MYH7B: variants seen among roughly 807,000 people sequenced by gnomAD.
MYH7B encodes myosin heavy chain 7B.
Under a neutral mutation model 234.5 loss-of-function variants are expected in MYH7B, and 205 were observed. The ratio of observed to expected loss-of-function variants is 0.87; its 90% CI spans 0.78 to 0.98. The LOEUF (loss-of-function observed/expected upper bound fraction) is 0.98. Among genes scored for constraint, MYH7B ranks in the 50% least tolerant of loss-of-function variants. The probability of loss-of-function intolerance (pLI) is 0.00; values close to 1 mark genes in which losing one functional copy is unlikely to be tolerated. For missense variants in MYH7B, 2,652 were observed against 2,633.4 expected, an observed-to-expected ratio of 1.01 and a Z score of -0.15; for synonymous variants, 1,193 against 1,105.0, an observed-to-expected ratio of 1.08 and a Z score of -1.58.
intron 2 of MYH7B, among the ~76,000 whole-genome samples, chr20:34,962,838 C>T (rs1370838234): frequency 6.6e-6 from 1 of 152,234 alleles, no homozygotes. Context: ...TGGCTCACGC[C>T]TGTCATCCCA....
At chr20:34,982,672 C>A in intron 10 of MYH7B, 117 bp downstream of exon 10, 1 of 902,776 alleles carries the variant, frequency 1.1e-6, no homozygotes, top group Non-Finnish European at 1.6e-6. Flanking sequence ...GAACCCTGAG[C>A]CCTGCCTGAG....
chr20:35,001,128 G>A, exon 41 of MYH7B: 2 of 1,613,786 alleles, frequency 1.2e-6, no homozygotes, highest in Non-Finnish European at 1.7e-6. Flanking sequence ...TCCGTGGCGG[G>A]AAGAAGCAGG....
chr20:34,984,776 A>C (rs937824744), intron 11 of MYH7B, 61 bp downstream of exon 11: 2 of 1,605,204 alleles, frequency 1.2e-6, no homozygotes, highest in African/African-American at 2.7e-5. Context: ...TCTGCACAAC[A>C]GAGGGGCCAC....
At chr20:34,964,153 A>G (rs1439966898) in intron 2 of MYH7B, among the ~76,000 whole-genome samples, 2 of 151,942 alleles carry the variant, frequency 1.3e-5, no homozygotes, top group African/African-American at 2.4e-5. Context: ...TTCTTTCCCA[A>G]ATGGTTTTGC....
chr20:34,985,990 G>A, intron 13 of MYH7B, 110 bp from the exon 14 acceptor site: 2 of 889,126 alleles, frequency 2.2e-6, no homozygotes, highest in South Asian at 3.0e-5. Context: ...AGGTGCAGAT[G>A]CAGCCCCCCT....
At chr20:34,972,411 T>C (rs567697851) in intron 2 of MYH7B, among the ~76,000 whole-genome samples, 1 of 152,158 alleles carries the variant, frequency 6.6e-6, no homozygotes, top group Admixed American at 6.5e-5. Context: ...ACCTTCAGTA[T>C]CGCCTCTTCA....
At position 34,991,135 on chromosome 20, in the gene MYH7B, TC is replaced by T. The variant is rs2082140258; in HGVS notation, c.2183+19del. 1.9e-6 allele frequency: 3 copies of T among 1,563,608 alleles called. No individual in the cohort carries two copies. Among genetic ancestry groups the T allele is most frequent in the African/African-American group, 1.4e-5 (1 of 73,764 alleles). ...CTTCCGGCAGCGGTGGGTGACCCCT[TC>T]CCCCTGCCTGCTGCTCCAGGTGGAG... On this transcript the variant is annotated intron_variant, in intron 24 of 44. Transcript: ENST00000262873.
At chr20:34,997,391 G>T in exon 32 of MYH7B, 1 of 1,509,730 alleles carries the variant, frequency 6.6e-7, no homozygotes, top group Non-Finnish European at 8.8e-7. Context: ...CATCCGCGGG[G>T]CAGCGCGAGG....
rs969790813 is a variant in MYH7B at position 34,996,535 on chromosome 20, C to T, written c.3120+13C>T. 6.2e-7 allele frequency: 1 copy of T among 1,605,302 alleles called. No individual in the cohort carries two copies. The highest frequency in any genetic ancestry group is 1.7e-5 in the Admixed American group (1 of 58,344). Reference sequence around the variant, plus strand: ...ACAGGTGGAGGACGTGAGTCAGGGCCACCCCGAGACTGGGTGGCGGGGCCG... The same window carrying T: ...ACAGGTGGAGGACGTGAGTCAGGGCTACCCCGAGACTGGGTGGCGGGGCCG... On this transcript the variant is annotated intron_variant, in intron 29 of 44. Coordinates refer to ENST00000262873, the Ensembl canonical transcript of MYH7B.
At chr20:34,997,060 G>GC (rs557197939) in intron 30 of MYH7B, 23 bp from the exon 31 acceptor site, 14 of 1,395,780 alleles carry the variant, frequency 1.0e-5, no homozygotes, top group Non-Finnish European at 1.3e-5. Context: ...GCCTGTGCTG[G>GC]CCACCCACTC....
At chr20:35,000,200 C>A in intron 38 of MYH7B, 93 bp from the exon 39 acceptor site, 1 of 1,434,662 alleles carries the variant, frequency 7.0e-7, no homozygotes, top group Non-Finnish European at 9.3e-7. Context: ...CTCATTTGTT[C>A]TCAAAATGGG....
chr20:34,975,484 G>C (rs974877644), exon 3 of MYH7B: 1 of 713,568 alleles, frequency 1.4e-6, no homozygotes, highest in Admixed American at 2.0e-5. Flanking sequence ...CAAAGTGCTG[G>C]AATTACAGAC....
exon 15 of MYH7B, chr20:34,986,974 G>A: frequency 6.2e-7 from 1 of 1,613,900 alleles, no homozygotes; most frequent in Non-Finnish European, 8.5e-7. Context: ...ATGGGGAGGA[G>A]CTCATCGCCA....
rs1600480573 is a variant in MYH7B at position 35,001,018 on chromosome 20, G to C, written c.5335G>C (p.Glu1779Gln). Residue 1779 changes from glutamate to glutamine, a missense_variant, in exon 41 of 45, where the codon GAG becomes CAG. By Grantham distance (29) the Glu-to-Gln change is conservative (BLOSUM62 2). Transcript: ENST00000262873. ...CATGATGGCCGAGGAGCTGAAGAAG[G>C]AGCAGGACACAAGTGCACACCTGGA... The C allele has an allele frequency of 6.2e-7, 1 of 1,613,816 alleles. No homozygotes were observed. Among genetic ancestry groups the C allele is most frequent in the Non-Finnish European group, 8.5e-7 (1 of 1,180,028 alleles).
At chr20:34,978,241 C>A (rs2081888595) in intron 5 of MYH7B, 145 bp downstream of exon 5, 1 of 912,008 alleles carries the variant, frequency 1.1e-6, no homozygotes, top group Admixed American at 2.6e-5. Flanking sequence ...CCTGCAGAGT[C>A]TGGGGCCTGG....
chr20:34,991,704 G>C (rs560986822), intron 24 of MYH7B, among the ~76,000 whole-genome samples: 36 of 152,284 alleles, frequency 2.4e-4, no homozygotes, highest in African/African-American at 8.2e-4. Flanking sequence ...AGTGCTGCCA[G>C]CTCCTCCCCG....
chr20:35,000,574 T>C, exon 39 of MYH7B: 1 of 1,570,106 alleles, frequency 6.4e-7, no homozygotes, highest in Non-Finnish European at 8.6e-7. Flanking sequence ...GCCTCGCTGC[T>C]GGCTGCGGAG....
chr20:34,999,164 G>A, exon 36 of MYH7B: 1 of 1,613,758 alleles, frequency 6.2e-7, no homozygotes, highest in Non-Finnish European at 8.5e-7. Context: ...CAGAGTCAGA[G>A]GATGTAACCC....
At chr20:34,999,285 C>T (rs894948232) in exon 36 of MYH7B, 25 of 1,591,496 alleles carry the variant, frequency 1.6e-5, no homozygotes, top group Non-Finnish European at 2.1e-5. Flanking sequence ...GCAGCGGGAG[C>T]TGGAGGCGGC....
Sources: allele counts gnomAD v4.1 joint callset (sites outside exome capture counted in the v4.1 genomes callset), GRCh38; gene constraint gnomAD v4.1.1; transcripts MANE v1.5; gene names NCBI Gene and HGNC (gene_info 2026-07-23, HGNC 2026-07-21).